Variants in ARHGAP15 observed in about 807,000 individuals in gnomAD.
The protein encoded by ARHGAP15 is rho GTPase-activating protein 15.
Under a neutral mutation model 63.7 loss-of-function variants are expected in ARHGAP15, and 51 were observed. The ratio of observed to expected loss-of-function variants is 0.80; its 90% CI spans 0.64 to 1.01. The LOEUF is 1.01. ARHGAP15 is among the 50% of genes least tolerant of loss of function. ARHGAP15 has a pLI of 0.00. For missense variants in ARHGAP15, 560 were observed against 564.6 expected (o/e 0.99, Z 0.08); for synonymous variants, 191 against 193.8 (o/e 0.99, Z 0.12).
At chr2:143,292,059 C>T (rs1038278551) in intron 6 of ARHGAP15, among the ~76,000 whole-genome samples, 3 of 152,018 alleles carry the variant, frequency 2.0e-5, no homozygotes, top group Non-Finnish European at 4.4e-5. Flanking sequence ...CAGCTACAGC[C>T]AAGTGCCCCA....
At chr2:143,287,480 A>G (rs985619376) in intron 6 of ARHGAP15, among the ~76,000 whole-genome samples, 1 of 152,078 alleles carries the variant, frequency 6.6e-6, no homozygotes, top group East Asian at 1.9e-4. Flanking sequence ...GGAAGATAGA[A>G]TGGGCTCTCG....
At chr2:143,191,151 A>T (rs62171677) in intron 2 of ARHGAP15, among the ~76,000 whole-genome samples, 3 of 152,130 alleles carry the variant, frequency 2.0e-5, no homozygotes, top group Non-Finnish European at 1.5e-5. Context: ...AGGAACATAA[A>T]CCCCAAGTAT....
chr2:143,436,783 T>C, intron 7 of ARHGAP15, 130 bp from the exon 8 acceptor site: 2 of 831,636 alleles, frequency 2.4e-6, no homozygotes, highest in Non-Finnish European at 3.8e-6. Flanking sequence ...GAGCTTAGCA[T>C]AGAGGACCTA....
intron 12 of ARHGAP15, among the ~76,000 whole-genome samples, chr2:143,686,137 G>A (rs544782873): frequency 6.6e-6 from 1 of 151,992 alleles, no homozygotes; most frequent in African/African-American, 2.4e-5. Flanking sequence ...GGCCTGGCGC[G>A]GTAGCTCACG....
At chr2:143,545,050 A>G (rs1319150118) in intron 10 of ARHGAP15, among the ~76,000 whole-genome samples, 4 of 152,232 alleles carry the variant, frequency 2.6e-5, no homozygotes, top group Non-Finnish European at 4.4e-5. Context: ...AAAGGCAGCA[A>G]TAAGCTGAAA....
chr2:143,599,602 A>G (rs1697682541), intron 11 of ARHGAP15, among the ~76,000 whole-genome samples: 1 of 152,174 alleles, frequency 6.6e-6, no homozygotes, highest in Non-Finnish European at 1.5e-5. Context: ...TCAGAAACAA[A>G]TAATACATGA....
chr2:143,237,524 T>C (rs1693702507), intron 5 of ARHGAP15: 1 of 152,174 alleles, frequency 6.6e-6, no homozygotes, highest in African/African-American at 2.4e-5. Context: ...AAGAACTAGG[T>C]GTGTCACCAT....
intron 1 of ARHGAP15, among the ~76,000 whole-genome samples, chr2:143,154,051 A>G (rs1574019523): frequency 1.3e-5 from 2 of 151,468 alleles, no homozygotes; most frequent in African/African-American, 2.4e-5. Flanking sequence ...TCACCTGTTG[A>G]TAGACATATG....
intron 12 of ARHGAP15, among the ~76,000 whole-genome samples, chr2:143,651,147 T>G (rs1681142490): frequency 6.6e-6 from 1 of 152,004 alleles, no homozygotes; most frequent in African/African-American, 2.4e-5. Context: ...TTGTTTGCTA[T>G]TGTTATGTGT....
At chr2:143,233,014 C>A (rs959273754) in intron 5 of ARHGAP15, among the ~76,000 whole-genome samples, 7 of 152,066 alleles carry the variant, frequency 4.6e-5, no homozygotes, top group African/African-American at 1.7e-4. Flanking sequence ...TAGTGTGAGA[C>A]CCTTTACCTT....
chr2:143,287,349 C>T (rs989837597), intron 6 of ARHGAP15, among the ~76,000 whole-genome samples: 5 of 152,100 alleles, frequency 3.3e-5, no homozygotes, highest in African/African-American at 1.2e-4. Context: ...TTCTCAAAAT[C>T]CATCTTGTCT....
At chr2:143,509,224 G>A (rs549100249) in intron 9 of ARHGAP15, among the ~76,000 whole-genome samples, 1 of 152,074 alleles carries the variant, frequency 6.6e-6, no homozygotes, top group South Asian at 2.1e-4. Context: ...AAACATGTGG[G>A]GGAAAACTAT....
rs550024582 is a variant in ARHGAP15, at chr2:143,367,360, T to C, written c.475-68241T>C. On this transcript the variant is annotated intron_variant, in intron 6 of 13. Transcript: ENST00000295095. The stretch of plus-strand genomic sequence containing the variant: ...ATTTATCTTCATCATCCTCACAATT[T>C]TCTCTTTATTTGCCATCTTTCCTTT... 2.0e-5 allele frequency among the ~76,000 whole-genome samples: 3 copies of C among 152,120 alleles called. No homozygotes were observed. The South Asian group carries it at 6.2e-4, about 32-fold the overall frequency.
intron 1 of ARHGAP15, among the ~76,000 whole-genome samples, chr2:143,137,043 C>T (rs138448100): frequency 3.8e-4 from 58 of 152,168 alleles, no homozygotes; most frequent in South Asian, 8.3e-4. Flanking sequence ...TTTAAGAGTT[C>T]AACCATGCAA....
chr2:143,509,907 G>A (rs777882941), intron 9 of ARHGAP15, among the ~76,000 whole-genome samples: 2 of 150,766 alleles, frequency 1.3e-5, no homozygotes, highest in Non-Finnish European at 2.9e-5. Flanking sequence ...TGTAATCCCA[G>A]CTACTCAGGA....
Position 143,330,101 on chromosome 2 carries a change from A to T in ARHGAP15, c.474+79501A>T, listed in dbSNP as rs1257960143. On this transcript the variant is annotated intron_variant, in intron 6 of 13. Transcript: ENST00000295095. ...CAGAGCAAGGCTCTGTCTCAAAAAA[A>T]AAAAAAAAAAAAAAAAAAAAAAAAA... Among the ~76,000 whole-genome samples, 4 of 75,812 alleles carry T rather than the reference A, an allele frequency of 5.3e-5. 1 individual carries two copies. The Admixed American group carries it at 6.5e-4, about 12-fold the overall frequency. The allele number at this position is 75,812 out of a possible 152,430, so 49.7% of individuals were successfully genotyped here. A position where few individuals can be genotyped will look rare whatever the true frequency, so the allele number is the denominator to read the frequency against.
intron 9 of ARHGAP15, among the ~76,000 whole-genome samples, chr2:143,508,282 A>T (rs979556082): frequency 1.3e-5 from 2 of 152,224 alleles, no homozygotes; most frequent in African/African-American, 4.8e-5. Flanking sequence ...TACATGGCTC[A>T]GTCGGTCACT....
intron 6 of ARHGAP15, among the ~76,000 whole-genome samples, chr2:143,341,184 C>T (rs763872125): frequency 6.6e-6 from 1 of 152,040 alleles, no homozygotes; most frequent in Non-Finnish European, 1.5e-5. Flanking sequence ...CTCCGGCATC[C>T]CTTCTTTTGG....
At chr2:143,538,234 C>A (rs1694871764) in intron 10 of ARHGAP15, among the ~76,000 whole-genome samples, 1 of 152,082 alleles carries the variant, frequency 6.6e-6, no homozygotes, top group Non-Finnish European at 1.5e-5. Context: ...GATTTTGTAT[C>A]CTGAGACTTT....
Sources: gnomAD v4.1 joint callset for allele counts (sites outside exome capture counted in the v4.1 genomes callset) on GRCh38, gnomAD v4.1.1 for gene constraint, MANE v1.5 for transcripts, NCBI Gene and HGNC (gene_info 2026-07-23, HGNC 2026-07-21) for gene names.